RBFOX3: variants seen among roughly 807,000 people sequenced by gnomAD.
RBFOX3 encodes RNA binding fox-1 homolog 3, also known as RNA binding protein fox-1 homolog 3.
In RBFOX3, 17 loss-of-function variants were observed where a neutral mutation model predicts 48.7. The observed-to-expected ratio is 0.35, with a 90% CI of 0.24 to 0.52. RBFOX3 has a LOEUF of 0.52. RBFOX3 is among the 20% of genes least tolerant of loss of function. RBFOX3 has a pLI of 0.94. For missense variants in RBFOX3, 382 were observed against 497.5 expected (o/e 0.77, Z 2.21); for synonymous variants, 212 against 209.5 (o/e 1.01, Z -0.10).
At chr17:79,402,486 G>A (rs1008819161) in intron 2 of RBFOX3, among the ~76,000 whole-genome samples, 2 of 152,168 alleles carry the variant, frequency 1.3e-5, no homozygotes, top group Non-Finnish European at 2.9e-5. Context: ...TTGTGCTAAC[G>A]GGGATTAACG....
chr17:79,608,779 G>A (rs897511923), intron 1 of RBFOX3, among the ~76,000 whole-genome samples: 3 of 152,144 alleles, frequency 2.0e-5, no homozygotes, highest in Admixed American at 2.0e-4. Flanking sequence ...GGTGAGCGGT[G>A]AGCGAGGCGC....
chr17:79,638,999 G>A, the RBFOX3 span, among the ~76,000 whole-genome samples: 76 of 152,160 alleles, frequency 5.0e-4, no homozygotes, highest in Middle Eastern at 3.4e-3. Context: ...TATCAAAGAA[G>A]GAGACTGAAT....
chr17:79,357,503 C>T (rs576782656), intron 2 of RBFOX3, among the ~76,000 whole-genome samples: 10 of 152,178 alleles, frequency 6.6e-5, no homozygotes, highest in East Asian at 1.9e-4. Flanking sequence ...TGGTGGCGCA[C>T]GCCTGTAGTC....
At chr17:79,532,507 C>CTGGG (rs1233241643) in intron 1 of RBFOX3, among the ~76,000 whole-genome samples, 1 of 152,210 alleles carries the variant, frequency 6.6e-6, no homozygotes, top group African/African-American at 2.4e-5. Context: ...GGTGAGTGGA[C>CTGGG]TGGGCAGGGG....
At chr17:79,356,361 T>TTTTTTTTTTTGTTTTTG (rs1568100931) in intron 2 of RBFOX3, among the ~76,000 whole-genome samples, 1 of 56,180 alleles carries the variant, frequency 1.8e-5, no homozygotes, top group Non-Finnish European at 3.5e-5. Flanking sequence ...TTTTTTTTTT[T>TTTTTTTTTTTGTTTTTG]TTTTTTTTTT....
the RBFOX3 span, among the ~76,000 whole-genome samples, chr17:79,617,370 A>G: frequency 6.6e-6 from 1 of 151,298 alleles, no homozygotes; most frequent in South Asian, 2.1e-4. Context: ...TTCCCCTTCC[A>G]TCCTCGCCTT....
At chr17:79,095,622 C>T (rs1456213073) in intron 12 of RBFOX3, 48 bp from the exon 13 acceptor site, 1 of 1,513,384 alleles carries the variant, frequency 6.6e-7, no homozygotes, top group African/African-American at 1.4e-5. Context: ...TAGTGGGGCT[C>T]CCCAGGGAAA....
intron 3 of RBFOX3, among the ~76,000 whole-genome samples, chr17:79,269,637 G>A (rs976507112): frequency 4.0e-5 from 6 of 151,838 alleles, no homozygotes; most frequent in South Asian, 4.2e-4. Flanking sequence ...ACTTTCTGCC[G>A]GTGACCTCCC....
At chr17:79,580,012 C>A (rs955427964) in intron 1 of RBFOX3, among the ~76,000 whole-genome samples, 1 of 151,912 alleles carries the variant, frequency 6.6e-6, no homozygotes, top group Non-Finnish European at 1.5e-5. Flanking sequence ...GTTGTCATCT[C>A]TAAAATGGGA....
intron 4 of RBFOX3, among the ~76,000 whole-genome samples, chr17:79,225,914 A>C (rs897962826): frequency 4.6e-5 from 7 of 151,922 alleles, no homozygotes; most frequent in Non-Finnish European, 1.0e-4. Context: ...CTTGCATGTC[A>C]AAGGGCGACA....
chr17:79,504,881 C>T (rs913404439), intron 1 of RBFOX3, among the ~76,000 whole-genome samples: 10 of 152,242 alleles, frequency 6.6e-5, no homozygotes, highest in Admixed American at 3.9e-4. Flanking sequence ...TATACAGATG[C>T]GGACGTGCGT....
At chr17:79,631,509 C>T in the RBFOX3 span, among the ~76,000 whole-genome samples, 1 of 152,194 alleles carries the variant, frequency 6.6e-6, no homozygotes, top group Non-Finnish European at 1.5e-5. Context: ...GGAAGACATC[C>T]ACCTTCAGCG....
At chr17:79,286,881 GC>G (rs1472500866) in intron 3 of RBFOX3, among the ~76,000 whole-genome samples, 1 of 152,210 alleles carries the variant, frequency 6.6e-6, no homozygotes, top group African/African-American at 2.4e-5. Context: ...ACTGTCAGAA[GC>G]CTGGTCCCAC....
intron 3 of RBFOX3, among the ~76,000 whole-genome samples, 166 bp from the exon 4 acceptor site, chr17:79,235,971 C>T (rs1476593987): frequency 3.3e-5 from 5 of 152,144 alleles, no homozygotes; most frequent in African/African-American, 7.2e-5. Flanking sequence ...CTCTGGCTGC[C>T]GTCTGCATCT....
intron 1 of RBFOX3, among the ~76,000 whole-genome samples, chr17:79,500,673 C>G (rs2082269300): frequency 6.6e-6 from 1 of 152,148 alleles, no homozygotes; most frequent in Admixed American, 6.5e-5. Context: ...TATCAAAAGA[C>G]ATTGATTATG....
At chr17:79,660,948 CA>C in the RBFOX3 span, among the ~76,000 whole-genome samples, 2 of 151,902 alleles carry the variant, frequency 1.3e-5, no homozygotes, top group Non-Finnish European at 2.9e-5. Flanking sequence ...ATTATGCAGC[CA>C]AAAAAAGGAA....
rs2149484193 is a variant in RBFOX3, at chr17:79,481,432, G to A, written c.-175+1022C>T. Among the ~76,000 whole-genome samples, 1 of 152,232 alleles carries A rather than the reference G, an allele frequency of 6.6e-6. No homozygotes were observed. Among genetic ancestry groups the A allele is most frequent in the East Asian group, 1.9e-4 (1 of 5,172 alleles). On this transcript the variant is annotated intron_variant, in intron 2 of 14. Transcript: ENST00000693108. The surrounding 1 kb of genome is among the most constrained non-coding windows in gnomAD (Gnocchi z 5.4). ...GGGAGGTGATCTCTAAAACTGCTGG[G>A]GTTTCCAAGGGATAGGAGTGTCTTC...
At chr17:79,257,446 T>C (rs538184211) in intron 3 of RBFOX3, among the ~76,000 whole-genome samples, 49 of 152,348 alleles carry the variant, frequency 3.2e-4, no homozygotes, top group African/African-American at 1.2e-3. Context: ...GCCAAGATGC[T>C]GAGAGCACAG....
intron 2 of RBFOX3, among the ~76,000 whole-genome samples, chr17:79,429,064 T>C (rs1555727093): frequency 6.6e-6 from 1 of 152,188 alleles, no homozygotes; most frequent in African/African-American, 2.4e-5. Flanking sequence ...CCAGAACCTT[T>C]TCCTGCTGCT....
Sources: gnomAD v4.1 joint callset for allele counts (sites outside exome capture counted in the v4.1 genomes callset) on GRCh38, gnomAD v4.1.1 for gene constraint, Gnocchi (gnomAD v3.1) non-coding constraint, MANE v1.5 for transcripts, NCBI Gene and HGNC (gene_info 2026-07-23, HGNC 2026-07-21) for gene names.